RGS8: variants seen among roughly 807,000 people sequenced by gnomAD.
RGS8 encodes the protein regulator of G protein signaling 8.
A neutral mutation model predicts 21.7 loss-of-function variants in RGS8; 8 were observed. The ratio of observed to expected loss-of-function variants is 0.37; its 90% CI spans 0.22 to 0.66. The LOEUF (loss-of-function observed/expected upper bound fraction) is 0.66. Among genes scored for constraint, RGS8 ranks in the 30% least tolerant of loss-of-function variants. The pLI is 0.59. For synonymous variants in RGS8, 80 were observed against 83.6 expected (o/e 0.96, Z 0.24); for missense variants, 157 against 217.9 (o/e 0.72, Z 1.76).
chr1:182,745,289 A>G, the RGS8 span, among the ~76,000 whole-genome samples: 4 of 152,268 alleles, frequency 2.6e-5, no homozygotes, highest in Non-Finnish European at 5.9e-5. Flanking sequence ...AAAGAGAAAG[A>G]GTTGACAGAA....
At chr1:182,702,561 A>G in the RGS8 span, among the ~76,000 whole-genome samples, 9 of 152,204 alleles carry the variant, frequency 5.9e-5, no homozygotes, top group Non-Finnish European at 1.3e-4. Flanking sequence ...TTTTAAAAAG[A>G]CTTGTTGTGT....
the RGS8 span, among the ~76,000 whole-genome samples, chr1:182,691,003 C>T: frequency 6.6e-6 from 1 of 152,202 alleles, no homozygotes; most frequent in Non-Finnish European, 1.5e-5. Flanking sequence ...ACATTTGATC[C>T]AGTCCCCTGT....
chr1:182,714,892 T>G, the RGS8 span, among the ~76,000 whole-genome samples: 2 of 152,198 alleles, frequency 1.3e-5, no homozygotes, highest in African/African-American at 4.8e-5. Context: ...ATCCAAATGT[T>G]TGGCATTTTC....
At chr1:182,724,246 A>ATATATATATATATATATC in the RGS8 span, among the ~76,000 whole-genome samples, 18 of 107,132 alleles carry the variant, frequency 1.7e-4, no homozygotes, top group South Asian at 3.1e-4. Flanking sequence ...ATATATATAT[A>ATATATATATATATATATC]TCCTATTATT....
the RGS8 span, among the ~76,000 whole-genome samples, chr1:182,741,358 G>T: frequency 2.2e-5 from 3 of 134,646 alleles, no homozygotes; most frequent in Non-Finnish European, 1.6e-5. Context: ...CGGGCGGGGG[G>T]GCTGAACCCC....
the RGS8 span, among the ~76,000 whole-genome samples, chr1:182,744,835 T>C: frequency 6.6e-6 from 1 of 152,204 alleles, no homozygotes; most frequent in Non-Finnish European, 1.5e-5. Context: ...CCAAACATGA[T>C]CACAATTTTA....
chr1:182,708,999 G>A, the RGS8 span, among the ~76,000 whole-genome samples: 8 of 152,316 alleles, frequency 5.3e-5, no homozygotes, highest in South Asian at 1.4e-3. Context: ...GCAGCCTGAC[G>A]AAAGCGCCTT....
Position 182,666,979 on chromosome 1 carries a change from A to G in RGS8, c.27-6T>C, listed in dbSNP as rs754012027. 1 of 1,608,920 alleles carries G rather than the reference A, an allele frequency of 6.2e-7. No individual in the cohort carries two copies. The highest frequency in any genetic ancestry group is 8.5e-7 in the Non-Finnish European group (1 of 1,175,250). On this transcript the variant is annotated splice_region_variant and splice_polypyrimidine_tract_variant and intron_variant, in intron 3 of 6. Coordinates refer to ENST00000483095, the Ensembl canonical transcript of RGS8. ...GAGTCCTCATCCCTTTGTTCCTGCA[A>G]CAAGCACAGGGGCAGAAGGACGGGG...
At chr1:182,690,687 C>T in the RGS8 span, among the ~76,000 whole-genome samples, 1 of 152,158 alleles carries the variant, frequency 6.6e-6, no homozygotes. Context: ...ACAAAAAATA[C>T]CTCGTGATTT....
At chr1:182,732,074 G>C in the RGS8 span, among the ~76,000 whole-genome samples, 1 of 152,100 alleles carries the variant, frequency 6.6e-6, no homozygotes, top group East Asian at 1.9e-4. Context: ...AGATACTGAC[G>C]ACTTTAGAAA....
At chr1:182,712,391 A>T in the RGS8 span, among the ~76,000 whole-genome samples, 2 of 152,216 alleles carry the variant, frequency 1.3e-5, no homozygotes, top group Non-Finnish European at 2.9e-5. Context: ...CCTACAGGCT[A>T]ATAAACACAT....
chr1:182,666,311 A>T (rs1259495398), intron 4 of RGS8, among the ~76,000 whole-genome samples: 1 of 152,228 alleles, frequency 6.6e-6, no homozygotes, highest in African/African-American at 2.4e-5. Flanking sequence ...ATTTAAAGGT[A>T]TCGAGGTAAC....
At chr1:182,709,573 T>C in the RGS8 span, among the ~76,000 whole-genome samples, 1 of 152,208 alleles carries the variant, frequency 6.6e-6, no homozygotes, top group Non-Finnish European at 1.5e-5. Context: ...AGCCAAAGAC[T>C]GGATAACCAC....
chr1:182,713,043 T>G, the RGS8 span, among the ~76,000 whole-genome samples: 3 of 152,186 alleles, frequency 2.0e-5, no homozygotes, highest in African/African-American at 7.2e-5. Context: ...AAGATAAGAA[T>G]TGGCCAAGTT....
the RGS8 span, among the ~76,000 whole-genome samples, chr1:182,739,807 C>T: frequency 6.6e-6 from 1 of 152,216 alleles, no homozygotes; most frequent in Admixed American, 6.5e-5. Flanking sequence ...GCGACAATCA[C>T]GCTAACAGGC....
chr1:182,661,808 T>TCACACACACACACACA (rs71127312), intron 5 of RGS8, among the ~76,000 whole-genome samples: 3 of 132,460 alleles, frequency 2.3e-5, no homozygotes, highest in East Asian at 2.3e-4. Flanking sequence ...GTACACACAT[T>TCACACACACACACACA]CACACACACA....
At chr1:182,667,089 C>A (rs1438095145) in intron 3 of RGS8, 116 bp from the exon 5 acceptor site, 7 of 788,962 alleles carry the variant, frequency 8.9e-6, no homozygotes, top group Non-Finnish European at 1.5e-5. Context: ...CACCCTTCCC[C>A]AGGTGGTCTC....
chr1:182,746,053 T>A, the RGS8 span, among the ~76,000 whole-genome samples: 1 of 152,212 alleles, frequency 6.6e-6, no homozygotes, highest in Non-Finnish European at 1.5e-5. Flanking sequence ...TATTCCTATT[T>A]GGGGCAAGTG....
chr1:182,720,993 ATG>A, the RGS8 span, among the ~76,000 whole-genome samples: 823 of 98,330 alleles, frequency 8.4e-3, 71 homozygotes, highest in South Asian at 0.019. Flanking sequence ...ACACATATAT[ATG>A]TGTGTATATA....
Sources: gnomAD v4.1 joint callset for allele counts (sites outside exome capture counted in the v4.1 genomes callset) on GRCh38, gnomAD v4.1.1 for gene constraint, MANE v1.5 for transcripts, NCBI Gene and HGNC (gene_info 2026-07-23, HGNC 2026-07-21) for gene names.